TMEM87A: variants seen among roughly 807,000 people sequenced by gnomAD.
TMEM87A encodes the protein transmembrane protein 87A, also known as Golgi-pH regulating cation channel.
TMEM87A carries 50 observed loss-of-function variants against 90.0 expected under a neutral mutation model. The ratio of observed to expected loss-of-function variants is 0.56; its 90% CI spans 0.44 to 0.70. TMEM87A has a LOEUF of 0.70. TMEM87A is among the 30% of genes least tolerant of loss of function. The pLI, the probability that TMEM87A is intolerant of heterozygous loss-of-function variation, is 0.00. For missense variants in TMEM87A, 577 were observed against 660.5 expected, an observed-to-expected ratio of 0.87 and a Z score of 1.39; for synonymous variants, 226 against 226.7, an observed-to-expected ratio of 1.00 and a Z score of 0.03.
chr15:42,270,319 G>T lies in TMEM87A; in HGVS notation c.205+1744C>A, dbSNP rs574835958. Among the ~76,000 whole-genome samples, 4 of 151,522 alleles carry T rather than the reference G, an allele frequency of 2.6e-5. No homozygotes were observed. In the East Asian group the frequency reaches 5.9e-4, roughly 22 times the overall value. On this transcript the variant is annotated intron_variant, in intron 2 of 19. Transcript: ENST00000389834. The stretch of plus-strand genomic sequence containing the variant: ...CAGGAAGCAGAGGTTACAGTGAGCC[G>T]AGATCGTGCCACTGCATTCCAGCCT...
chr15:42,233,329 T>C (rs2050718013), intron 10 of TMEM87A, 23 bp from the exon 11 acceptor site: 2 of 1,587,228 alleles, frequency 1.3e-6, no homozygotes, highest in African/African-American at 2.7e-5. Context: ...CAAGGAGATA[T>C]TTGAGTACAT....
intron 16 of TMEM87A, 49 bp from the exon 17 acceptor site, chr15:42,219,691 C>G (rs570739071): frequency 7.9e-7 from 1 of 1,269,752 alleles, no homozygotes; most frequent in Admixed American, 2.5e-5. Flanking sequence ...AACAGACCAA[C>G]AATGTTGGCA....
chr15:42,234,218 A>G (rs2050735605), intron 10 of TMEM87A, among the ~76,000 whole-genome samples: 1 of 152,236 alleles, frequency 6.6e-6, no homozygotes, highest in South Asian at 2.1e-4. Flanking sequence ...CTAATATATG[A>G]AAAGTCTTCT....
intron 4 of TMEM87A, among the ~76,000 whole-genome samples, chr15:42,263,673 G>A (rs12917101): frequency 0.72 from 109,588 of 152,088 alleles, 42,281 homozygotes; most frequent in Non-Finnish European, 0.86. Context: ...GCTTAGATCC[G>A]GGTGATGGAG....
chr15:42,235,403 C>G (rs1416062195), intron 10 of TMEM87A, among the ~76,000 whole-genome samples: 1 of 152,132 alleles, frequency 6.6e-6, no homozygotes, highest in Non-Finnish European at 1.5e-5. Flanking sequence ...CCCAACCTCT[C>G]CCCTTTGTTT....
chr15:42,258,689 A>G (rs2051228982), intron 6 of TMEM87A: 3 of 1,197,638 alleles, frequency 2.5e-6, no homozygotes, highest in Admixed American at 4.1e-5. Flanking sequence ...GGCCTCCCAA[A>G]GTGTTGGCAT....
At chr15:42,213,926 G>C (rs750242135) in intron 19 of TMEM87A, among the ~76,000 whole-genome samples, 6 of 152,152 alleles carry the variant, frequency 3.9e-5, no homozygotes, top group African/African-American at 7.2e-5. Flanking sequence ...GGAATTATTT[G>C]AAAGAGAATG....
At position 42,227,591 on chromosome 15, in the gene TMEM87A, G is replaced by GT. The variant is rs1213398780; in HGVS notation, c.1299+119dup. On this transcript the variant is annotated intron_variant, in intron 14 of 19. Coordinates refer to ENST00000389834, the MANE Select transcript of TMEM87A (RefSeq NM_015497.5). ...GGAGGGAAGTATCACAACCCTCAGA[G>GT]TAGAGACCTAGCTCTAATTTTTTAT... The GT allele has an allele frequency of 3.7e-6, 3 of 800,480 alleles. 1 individual carries two copies. In the African/African-American group the frequency reaches 5.1e-5, roughly 14 times the overall value. The allele number at this position is 800,480 out of a possible 1,614,324, so 49.6% of individuals were successfully genotyped here.
In TMEM87A at chr15:42,233,203, C is replaced by T; in HGVS notation, c.1062+10G>A. ...ACTGACCACAGAAAATGAGATTAAGCAGTACTAACCCCAGTAACTCTGAGG... is the reference window on the plus strand; with the variant it reads ...ACTGACCACAGAAAATGAGATTAAGTAGTACTAACCCCAGTAACTCTGAGG... On this transcript the variant is annotated intron_variant, in intron 11 of 19. Transcript: ENST00000389834. 6.2e-7 allele frequency: 1 copy of T among 1,603,384 alleles called. No individual in the cohort carries two copies. Among genetic ancestry groups the T allele is most frequent in the Non-Finnish European group, 8.5e-7 (1 of 1,170,682 alleles).
intron 1 of TMEM87A, 140 bp downstream of exon 1, chr15:42,273,109 GGTCCCA>G: frequency 1.0e-6 from 1 of 978,584 alleles, no homozygotes; most frequent in African/African-American, 1.6e-5. Context: ...CAGGGAGGTG[GGTCCCA>G]GTTGGCTAGC....
chr15:42,213,460 G>A (rs1040934302), intron 19 of TMEM87A, among the ~76,000 whole-genome samples: 7 of 152,202 alleles, frequency 4.6e-5, no homozygotes, highest in African/African-American at 1.7e-4. Context: ...CTTTGTAAGA[G>A]GTTACCTGAG....
intron 8 of TMEM87A, among the ~76,000 whole-genome samples, chr15:42,238,258 ACT>A (rs1336188244): frequency 2.0e-5 from 3 of 151,692 alleles, no homozygotes; most frequent in Non-Finnish European, 4.4e-5. Flanking sequence ...ACATAGCAAG[ACT>A]CTGTCCCTAC....
chr15:42,264,697 A>ATTTT (rs199888603), intron 3 of TMEM87A, among the ~76,000 whole-genome samples: 2 of 16,682 alleles, frequency 1.2e-4, no homozygotes, highest in African/African-American at 1.5e-4. Flanking sequence ...ATATATATAT[A>ATTTT]TATTTTTTTT....
At position 42,226,807 on chromosome 15, in the gene TMEM87A, T is replaced by C. The variant is rs113004234; in HGVS notation, c.1402A>G (p.Arg468Gly). 1 of 1,613,688 alleles carries C rather than the reference T, an allele frequency of 6.2e-7. No individual in the cohort carries two copies. Among genetic ancestry groups the C allele is most frequent in the East Asian group, 2.2e-5 (1 of 44,866 alleles). ...GAGTAAACAGAAGAGTCCAAGAACC[T>C]CTGGTTGTTTGCAGATGGTCGCCAG... Reference protein sequence around the residue: ...VLWRPSANNQRFAFSPLSEEE... With the variant: ...VLWRPSANNQGFAFSPLSEEE... Residue 468 changes from arginine (R) to glycine (G), a missense_variant and splice_region_variant, in exon 15 of 20, where the codon AGG becomes GGG. Arg to Gly is a moderately radical substitution (Grantham distance 125). Transcript: ENST00000389834.
chr15:42,266,525 A>AC (rs1187854624), intron 3 of TMEM87A, among the ~76,000 whole-genome samples: 3 of 151,810 alleles, frequency 2.0e-5, no homozygotes, highest in African/African-American at 7.3e-5. Context: ...CAAAAAAAAA[A>AC]AAACTATTTT....
At chr15:42,264,012 G>C in intron 4 of TMEM87A, 78 bp downstream of exon 4, 1 of 1,075,624 alleles carries the variant, frequency 9.3e-7, no homozygotes, top group Non-Finnish European at 1.4e-6. Context: ...TTGAGAAGTC[G>C]GAAGTGGATA....
In TMEM87A at chr15:42,218,137, T is replaced by A. The variant is rs995309623; in HGVS notation, c.1595+186A>T. The stretch of plus-strand genomic sequence containing the variant: ...TTTTAAGATATACTACATAGCTAAA[T>A]CTTTCTAAGCAGAAATGTCATCTGA... On this transcript the variant is annotated intron_variant, in intron 18 of 19. Coordinates refer to ENST00000389834, the MANE Select transcript of TMEM87A (RefSeq NM_015497.5). 2.6e-5 allele frequency: 18 copies of A among 688,606 alleles called. No homozygotes were observed. In the African/African-American group the frequency reaches 2.9e-4, roughly 11 times the overall value. The allele number at this position is 688,606 out of a possible 1,614,324, so 42.7% of individuals were successfully genotyped here.
At chr15:42,232,442 T>G (rs2050700651) in intron 11 of TMEM87A, among the ~76,000 whole-genome samples, 1 of 152,134 alleles carries the variant, frequency 6.6e-6, no homozygotes, top group African/African-American at 2.4e-5. Flanking sequence ...ATTATACAAT[T>G]CTCAAAAATG....
intron 6 of TMEM87A, among the ~76,000 whole-genome samples, chr15:42,255,824 C>T (rs902063249): frequency 2.0e-5 from 3 of 150,120 alleles, no homozygotes; most frequent in Non-Finnish European, 4.4e-5. Context: ...GGCTGGAGTA[C>T]AACGGAACGA....
Sources: allele counts gnomAD v4.1 joint callset (sites outside exome capture counted in the v4.1 genomes callset), GRCh38; gene constraint gnomAD v4.1.1; transcripts MANE v1.5; gene names NCBI Gene and HGNC (gene_info 2026-07-23, HGNC 2026-07-21).